TTC39C: variants seen among roughly 807,000 people sequenced by gnomAD.
TTC39C encodes tetratricopeptide repeat domain 39C.
Under a neutral mutation model 76.3 loss-of-function variants are expected in TTC39C, and 33 were observed. That is an observed-to-expected ratio of 0.43 (90% CI 0.33 to 0.58). The LOEUF is 0.58. Ranked by LOEUF, TTC39C falls within the 20% of genes least tolerant of loss-of-function variation. TTC39C has a pLI of 0.04. For missense variants in TTC39C, 595 were observed against 701.4 expected, an observed-to-expected ratio of 0.85 and a Z score of 1.71; for synonymous variants, 254 against 260.6, an observed-to-expected ratio of 0.97 and a Z score of 0.24.
In TTC39C at chr18:24,132,700, T is replaced by C; in HGVS notation, c.*126T>C. ...AACCACCTGTGCCAGGGACACATTT[T>C]CCCAGTTAAGCTGACATATTAAAGA... On this transcript the variant is annotated 3_prime_UTR_variant, in exon 14 of 14. Coordinates refer to ENST00000317571, the MANE Select transcript of TTC39C (RefSeq NM_001135993.2). 2 of 666,110 alleles carry C rather than the reference T, an allele frequency of 3.0e-6. No homozygotes were observed. Among genetic ancestry groups the C allele is most frequent in the Non-Finnish European group, 2.5e-6 (1 of 405,578 alleles). The allele number at this position is 666,110 out of a possible 1,614,324, so 41.3% of individuals were successfully genotyped here.
At chr18:24,089,597 C>G (rs1568433454) in intron 6 of TTC39C, among the ~76,000 whole-genome samples, 1 of 152,004 alleles carries the variant, frequency 6.6e-6, no homozygotes, top group East Asian at 1.9e-4. Flanking sequence ...TGTTAGTAAC[C>G]CCACTACACT....
chr18:24,054,674 A>G (rs1320500611), intron 1 of TTC39C, among the ~76,000 whole-genome samples: 5 of 152,212 alleles, frequency 3.3e-5, no homozygotes. Flanking sequence ...ATGATATTCC[A>G]TCTGGTTATT....
chr18:24,071,794 A>G (rs2084244567), intron 4 of TTC39C, among the ~76,000 whole-genome samples: 3 of 152,218 alleles, frequency 2.0e-5, no homozygotes, highest in Admixed American at 6.5e-5. Flanking sequence ...TTATCTTTAC[A>G]GCCTTTGCCT....
chr18:24,049,658 C>T (rs2083925177), intron 1 of TTC39C, among the ~76,000 whole-genome samples: 1 of 152,142 alleles, frequency 6.6e-6, no homozygotes, highest in Admixed American at 6.5e-5. Flanking sequence ...GAACCAGCAC[C>T]CTTTGGACCT....
intron 1 of TTC39C, among the ~76,000 whole-genome samples, chr18:24,042,503 G>A (rs1467177870): frequency 6.6e-6 from 1 of 152,188 alleles, no homozygotes; most frequent in African/African-American, 2.4e-5. Flanking sequence ...TCGCTCGCCT[G>A]CTGCTCACCT....
chr18:24,081,104 G>A (rs1009939867), intron 5 of TTC39C, among the ~76,000 whole-genome samples, 165 bp downstream of exon 5: 1 of 152,156 alleles, frequency 6.6e-6, no homozygotes, highest in Non-Finnish European at 1.5e-5. Flanking sequence ...TTCTGTGGTC[G>A]TGGTGGTGGT....
intron 1 of TTC39C, among the ~76,000 whole-genome samples, chr18:24,023,933 C>CATATATATATATGCATGTATATATATAT (rs2083546796): frequency 1.3e-4 from 7 of 55,306 alleles, no homozygotes; most frequent in African/African-American, 4.7e-4. Context: ...AATAAAATTA[C>CATATATATATATGCATGTATATATATAT]ATATATATAT....
At chr18:24,009,727 G>A (rs557610823) in intron 1 of TTC39C, among the ~76,000 whole-genome samples, 73 of 152,328 alleles carry the variant, frequency 4.8e-4, no homozygotes, top group African/African-American at 1.7e-3. Context: ...GAGAGACAAT[G>A]CCTTCTTCCC....
At chr18:24,009,371 A>G (rs2083378800) in intron 1 of TTC39C, among the ~76,000 whole-genome samples, 1 of 152,174 alleles carries the variant, frequency 6.6e-6, no homozygotes, top group African/African-American at 2.4e-5. Context: ...ATGTCTTGAA[A>G]CCAGAGACGG....
rs201589709 is a variant in TTC39C, at chr18:24,125,548, A to G, written c.1418A>G (p.Gln473Arg). The G allele has an allele frequency of 6.2e-7, 1 of 1,614,136 alleles. No homozygotes were observed. Among genetic ancestry groups the G allele is most frequent in the Non-Finnish European group, 8.5e-7 (1 of 1,180,008 alleles). ...CSFPNLQRMSQACHEVDDSSV... is the reference protein window; with the variant it reads ...CSFPNLQRMSRACHEVDDSSV... ...TTCCCCAACCTGCAGAGGATGAGTC[A>G]AGGTAAAAAATTTAAAAAAACCCAA... is the stretch of plus-strand genomic sequence containing the variant. The change falls in exon 10 of 14, where the codon CAA (glutamine) becomes CGA (arginine). Residue 473 changes from glutamine (Q) to arginine (R), a missense_variant and splice_region_variant. Transcript: ENST00000317571.
At chr18:24,082,461 C>G (rs1159471673) in intron 5 of TTC39C, among the ~76,000 whole-genome samples, 1 of 151,628 alleles carries the variant, frequency 6.6e-6, no homozygotes, top group East Asian at 1.9e-4. Flanking sequence ...AGGTTTATAC[C>G]CTAAGTTTTG....
chr18:24,125,238 G>A (rs1181392475), intron 9 of TTC39C, among the ~76,000 whole-genome samples, 189 bp from the exon 10 acceptor site: 2 of 152,144 alleles, frequency 1.3e-5, no homozygotes, highest in East Asian at 3.8e-4. Context: ...TGAATGAAAG[G>A]CATAATTTCC....
At chr18:24,080,494 G>A in intron 4 of TTC39C, 91 bp from the exon 5 acceptor site, 5 of 1,011,660 alleles carry the variant, frequency 4.9e-6, no homozygotes, top group Non-Finnish European at 7.1e-6. Context: ...TTTTTGGCTT[G>A]ATTTTCAGGT....
chr18:24,033,852 G>T (rs2083703125), intron 1 of TTC39C, among the ~76,000 whole-genome samples: 1 of 152,186 alleles, frequency 6.6e-6, no homozygotes, highest in Non-Finnish European at 1.5e-5. Context: ...TCCTTGTGTT[G>T]CTTCCTTCAT....
intron 8 of TTC39C, among the ~76,000 whole-genome samples, chr18:24,120,365 A>C (rs1186985734): frequency 6.6e-6 from 1 of 152,116 alleles, no homozygotes; most frequent in East Asian, 1.9e-4. Context: ...AAAAGAGTAC[A>C]TGAGGCAGGG....
intron 4 of TTC39C, among the ~76,000 whole-genome samples, chr18:24,073,117 G>T (rs928171307): frequency 3.9e-5 from 6 of 152,138 alleles, no homozygotes; most frequent in African/African-American, 1.4e-4. Flanking sequence ...TCTCCCTCAG[G>T]TGCTCCCTGT....
chr18:24,094,378 T>C (rs2084563368), intron 6 of TTC39C, among the ~76,000 whole-genome samples: 1 of 152,234 alleles, frequency 6.6e-6, no homozygotes, highest in Admixed American at 6.5e-5. Flanking sequence ...TCTTGCAAAC[T>C]CCCATTAATG....
At chr18:24,065,907 A>G (rs2084159905) in intron 2 of TTC39C, 105 bp from the exon 3 acceptor site, 2 of 1,202,552 alleles carry the variant, frequency 1.7e-6, no homozygotes, top group South Asian at 1.6e-5. Context: ...TTTGCTTGCA[A>G]TAAATAATTT....
At chr18:24,066,539 T>C (rs1045108100) in intron 3 of TTC39C, among the ~76,000 whole-genome samples, 9 of 152,190 alleles carry the variant, frequency 5.9e-5, no homozygotes, top group African/African-American at 1.9e-4. Flanking sequence ...AGCCTTTGGT[T>C]ATAAATAGTC....
Sources: gnomAD v4.1 joint callset for allele counts (sites outside exome capture counted in the v4.1 genomes callset) on GRCh38, gnomAD v4.1.1 for gene constraint, MANE v1.5 for transcripts, NCBI Gene and HGNC (gene_info 2026-07-23, HGNC 2026-07-21) for gene names.